Variants in LIFR observed in about 807,000 individuals in gnomAD.
LIFR encodes LIF receptor subunit alpha.
In LIFR, 84 loss-of-function variants were observed where a neutral mutation model predicts 122.2. That is an observed-to-expected ratio of 0.69 (90% CI 0.58 to 0.82). The LOEUF is 0.82. Among genes scored for constraint, LIFR ranks in the 40% least tolerant of loss-of-function variants. The pLI, the probability that LIFR is intolerant of heterozygous loss-of-function variation, is 0.00. For synonymous variants in LIFR, 422 were observed against 434.7 expected, an observed-to-expected ratio of 0.97 and a Z score of 0.36; for missense variants, 1,294 against 1,311.6, an observed-to-expected ratio of 0.99 and a Z score of 0.21.
At position 38,481,999 on chromosome 5, in the gene LIFR, C is replaced by T. The variant is rs1484745290; in HGVS notation, c.2890G>A (p.Asp964Asn). 1.2e-5 allele frequency: 19 copies of T among 1,614,076 alleles called. No individual in the cohort carries two copies. Among genetic ancestry groups the T allele is most frequent in the Non-Finnish European group, 1.6e-5 (19 of 1,180,028 alleles). ...IEEEIPNPAADEAGGTAQVIY... is the reference protein window; with the variant it reads ...IEEEIPNPAANEAGGTAQVIY... ...ACCTGTGCAGTCCCTCCAGCTTCAT[C>T]TGCGGCTGGGTTTGGTATTTCTTCC... Residue 964 changes from aspartate to asparagine, a missense_variant, in exon 20 of 20, where the codon GAT becomes AAT. Physicochemically the swap from Asp to Asn is conservative, Grantham distance 23. Transcript: ENST00000453190.
At chr5:38,572,645 C>T (rs1486423369) in intron 1 of LIFR, among the ~76,000 whole-genome samples, 2 of 152,204 alleles carry the variant, frequency 1.3e-5, no homozygotes, top group Non-Finnish European at 2.9e-5. Flanking sequence ...GTCAGAATAT[C>T]TTTCCAACGC....
intron 2 of LIFR, 35 bp downstream of exon 2, chr5:38,530,471 A>C: frequency 6.3e-7 from 1 of 1,580,788 alleles, no homozygotes; most frequent in Non-Finnish European, 8.7e-7. Context: ...ATAAAACTGC[A>C]ATCTGTTCAT....
chr5:38,587,317 G>T (rs190204163), intron 1 of LIFR, among the ~76,000 whole-genome samples: 1 of 152,022 alleles, frequency 6.6e-6, no homozygotes, highest in Non-Finnish European at 1.5e-5. Flanking sequence ...AAAACCTCAC[G>T]GATAAAAAAG....
At chr5:38,500,210 T>C (rs924054644) in intron 11 of LIFR, among the ~76,000 whole-genome samples, 1 of 152,160 alleles carries the variant, frequency 6.6e-6, no homozygotes, top group Non-Finnish European at 1.5e-5. Context: ...TGTATATATA[T>C]AAATTTATTT....
intron 5 of LIFR, among the ~76,000 whole-genome samples, chr5:38,512,696 A>AG (rs1476233695): frequency 1.3e-5 from 2 of 152,074 alleles, no homozygotes; most frequent in Admixed American, 6.6e-5. Context: ...GAAATGCTCC[A>AG]GTGAGCATTT....
chr5:38,527,535 C>T (rs1220906949), intron 3 of LIFR, among the ~76,000 whole-genome samples: 1 of 152,170 alleles, frequency 6.6e-6, no homozygotes, highest in Non-Finnish European at 1.5e-5. Context: ...CTCCAAACAG[C>T]TGGAGTTTTT....
At position 38,481,282 on chromosome 5, in the gene LIFR, G is replaced by C. The variant is rs1362757411; in HGVS notation, c.*313C>G. 2.4e-6 allele frequency: 1 copy of C among 422,832 alleles called. No individual in the cohort carries two copies. The highest frequency in any genetic ancestry group is 4.3e-6 in the Non-Finnish European group (1 of 232,442). The allele number at this position is 422,832 out of a possible 1,614,324, so 26.2% of individuals were successfully genotyped here. On this transcript the variant is annotated 3_prime_UTR_variant, in exon 20 of 20. Coordinates refer to ENST00000453190, the MANE Select transcript of LIFR (RefSeq NM_001127671.2). Reference sequence around the variant, plus strand: ...ACAGAAAACAGTTGCGGCGGGATTTGTTTTACATGTACGTACAAGTAGGTA... The same window carrying C: ...ACAGAAAACAGTTGCGGCGGGATTTCTTTTACATGTACGTACAAGTAGGTA...
In LIFR at chr5:38,510,604, T is replaced by G; in HGVS notation, c.851A>C (p.His284Pro). Residue 284 changes from histidine to proline, a missense_variant, in exon 7 of 20, where the codon CAT becomes CCT. His to Pro is a moderately conservative substitution (Grantham distance 77). Transcript: ENST00000453190. Reference protein sequence around the residue: ...QEKVLSALIGHTNCPLIHLDG... With the variant: ...QEKVLSALIGPTNCPLIHLDG... ...AAGATGGATCAAGGGGCAGTTTGTA[T>G]GGCCAATCAGTGCTGATAACACTTT... 6.2e-7 allele frequency: 1 copy of G among 1,614,102 alleles called. No homozygotes were observed.
chr5:38,544,611 C>T (rs1037863036), intron 1 of LIFR, among the ~76,000 whole-genome samples: 3 of 152,188 alleles, frequency 2.0e-5, no homozygotes, highest in African/African-American at 7.2e-5. Context: ...ACACACTGCT[C>T]ACTCTTCCTT....
At chr5:38,593,583 A>G (rs1750000935) in intron 1 of LIFR, among the ~76,000 whole-genome samples, 1 of 152,098 alleles carries the variant, frequency 6.6e-6, no homozygotes, top group African/African-American at 2.4e-5. Context: ...GGAGGGGGAT[A>G]GACGGGTGGG....
chr5:38,558,293 G>T (rs1391520672), upstream of LIFR: 1 of 152,048 alleles, frequency 6.6e-6, no homozygotes, highest in African/African-American at 2.4e-5. Flanking sequence ...TGTTGCCTGG[G>T]GTTGAAAAAT....
At chr5:38,508,372 G>T (rs192512094) in intron 7 of LIFR, among the ~76,000 whole-genome samples, 1 of 152,208 alleles carries the variant, frequency 6.6e-6, no homozygotes, top group African/African-American at 2.4e-5. Context: ...ATATTAAGAT[G>T]AATTAAAGAA....
chr5:38,590,601 A>G (rs1212430105), intron 1 of LIFR, among the ~76,000 whole-genome samples: 1 of 152,190 alleles, frequency 6.6e-6, no homozygotes, highest in Non-Finnish European at 1.5e-5. Context: ...ATTTATGAAG[A>G]GCTTATTGCA....
At chr5:38,545,716 G>T (rs183211731) in intron 1 of LIFR, among the ~76,000 whole-genome samples, 2 of 151,508 alleles carry the variant, frequency 1.3e-5, no homozygotes, top group Admixed American at 1.3e-4. Flanking sequence ...CAAAAAATTC[G>T]CGGGGCATGG....
intron 5 of LIFR, among the ~76,000 whole-genome samples, chr5:38,523,027 T>C (rs903291541): frequency 5.9e-5 from 9 of 152,240 alleles, no homozygotes; most frequent in African/African-American, 2.2e-4. Context: ...AAAAAAAAAT[T>C]CTCTATGGCT....
chr5:38,580,044 C>T, intron 1 of LIFR, among the ~76,000 whole-genome samples: 1 of 152,240 alleles, frequency 6.6e-6, no homozygotes, highest in Non-Finnish European at 1.5e-5. Context: ...AAGCAATGCA[C>T]TTTTTTCCCC....
chr5:38,505,167 TA>T (rs11331981), intron 9 of LIFR, among the ~76,000 whole-genome samples: 78,073 of 149,824 alleles, frequency 0.52, 21,760 homozygotes, highest in African/African-American at 0.74. Flanking sequence ...AGGACATCCT[TA>T]AAAAAAAAAA....
Position 38,493,537 on chromosome 5 carries a change from C to T in LIFR, c.2065+69G>A, listed in dbSNP as rs959181963. On this transcript the variant is annotated intron_variant, in intron 14 of 19. Transcript: ENST00000453190. ...CAGTAAAGAGAATCACTTCACTGCACCCAGTCTTACGTGTTGCCTTTTAAA... is the reference window on the plus strand; with the variant it reads ...CAGTAAAGAGAATCACTTCACTGCATCCAGTCTTACGTGTTGCCTTTTAAA... The T allele has an allele frequency of 4.2e-6, 6 of 1,425,174 alleles. No individual in the cohort carries two copies. In the East Asian group the frequency reaches 6.8e-5, roughly 16 times the overall value. 88.3% of individuals were successfully genotyped at this position (1,425,174 alleles called of 1,614,324 possible). A position where few individuals can be genotyped will look rare whatever the true frequency, so the allele number is the denominator to read the frequency against.
rs1435451285 is a variant in LIFR, at chr5:38,477,450, A to C, written c.*4145T>G. ...AAATGCTTTCAAGAAATAGTTTATC[A>C]AGAGAATGAGTTCTGAATCAGTTAA... On this transcript the variant is annotated 3_prime_UTR_variant, in exon 20 of 20. Transcript: ENST00000453190. The C allele has an allele frequency of 9.3e-6, 2 of 214,334 alleles. No individual in the cohort carries two copies. The highest frequency in any genetic ancestry group is 1.9e-5 in the Non-Finnish European group (2 of 106,214). The allele number at this position is 214,334 out of a possible 1,614,324, so 13.3% of individuals were successfully genotyped here.
Sources: gnomAD v4.1 joint callset for allele counts (sites outside exome capture counted in the v4.1 genomes callset) on GRCh38, gnomAD v4.1.1 for gene constraint, MANE v1.5 for transcripts, NCBI Gene and HGNC (gene_info 2026-07-23, HGNC 2026-07-21) for gene names.